PAFAH1B1: variants seen among roughly 807,000 people sequenced by gnomAD.
PAFAH1B1 encodes the protein platelet activating factor acetylhydrolase 1b regulatory subunit 1, also known as platelet-activating factor acetylhydrolase IB subunit beta.
Under a neutral mutation model 57.5 loss-of-function variants are expected in PAFAH1B1, and 2 were observed. That is an observed-to-expected ratio of 0.03 (90% CI 0.01 to 0.11). The LOEUF (loss-of-function observed/expected upper bound fraction) is 0.11. Among genes scored for constraint, PAFAH1B1 ranks in the 10% least tolerant of loss-of-function variants. The probability of loss-of-function intolerance (pLI) is 1.00; values close to 1 mark genes in which losing one functional copy is unlikely to be tolerated. For missense variants in PAFAH1B1, 257 were observed against 512.0 expected (o/e 0.50, Z 4.81); for synonymous variants, 152 against 169.6 (o/e 0.90, Z 0.81).
chr17:2,679,486 ATGGATGGATGGATGATTGGATGG>A lies in PAFAH1B1; in HGVS notation c.1003-677_1003-655del, dbSNP rs1364145480. 5.1e-3 allele frequency among the ~76,000 whole-genome samples: 751 copies of A among 145,884 alleles called. 8 individuals are homozygous for A. The highest frequency in any genetic ancestry group is 0.014 in the South Asian group (63 of 4,442). Reference sequence around the variant, plus strand: ...GATGGATGGATGGATGATTGGATGGATGGATGGATGGATGATTGGATGGATGGATGGATGGATGATTGGATGGA... The same window carrying A: ...GATGGATGGATGGATGATTGGATGGAATGGATGGATGGATGATTGGATGGA... On this transcript the variant is annotated intron_variant, in intron 9 of 10. Transcript: ENST00000397195.
Position 2,653,151 on chromosome 17 carries a change from T to G in PAFAH1B1, c.33-12221T>G, listed in dbSNP as rs570813849. Among the ~76,000 whole-genome samples the G allele has an allele frequency of 2.1e-3, 315 of 152,254 alleles. 1 individual carries two copies. Among genetic ancestry groups the G allele is most frequent in the African/African-American group, 7.3e-3 (304 of 41,550 alleles). On this transcript the variant is annotated intron_variant, in intron 2 of 10. Transcript: ENST00000397195. ...TGGATGAAGCTGGAAACCATCATTCTCAGCAAACTATTGCAGGGACAAAAA... is the reference window on the plus strand; with the variant it reads ...TGGATGAAGCTGGAAACCATCATTCGCAGCAAACTATTGCAGGGACAAAAA...
intron 1 of PAFAH1B1, among the ~76,000 whole-genome samples, chr17:2,608,678 G>T (rs2068232667): frequency 6.6e-6 from 1 of 152,176 alleles, no homozygotes. Flanking sequence ...TGTGCCTGTG[G>T]TCCCTAGAAG....
intron 1 of PAFAH1B1, among the ~76,000 whole-genome samples, chr17:2,632,277 T>C (rs113876755): frequency 1.9e-3 from 295 of 152,334 alleles, no homozygotes; most frequent in Non-Finnish European, 3.6e-3. Context: ...AATACTGTTA[T>C]CACTTCAAAA....
In PAFAH1B1 at chr17:2,685,425, T is replaced by G. The variant is rs1435812771; in HGVS notation, c.*3623T>G. 6.7e-6 allele frequency: 1 copy of G among 148,384 alleles called. No homozygotes were observed. Among genetic ancestry groups the G allele is most frequent in the Non-Finnish European group, 1.5e-5 (1 of 66,854 alleles). 9.2% of individuals were successfully genotyped at this position (148,384 alleles called of 1,614,324 possible). A position where few individuals can be genotyped will look rare whatever the true frequency, so the allele number is the denominator to read the frequency against. ...AATTGAGGAAAACAGTTCCCCAGAT[T>G]GTTAAGAGTTCACTGAAGATATTGA... is the stretch of plus-strand genomic sequence containing the variant. On this transcript the variant is annotated 3_prime_UTR_variant, in exon 11 of 11. Coordinates refer to ENST00000397195, the MANE Select transcript of PAFAH1B1 (RefSeq NM_000430.4).
chr17:2,664,214 C>G (rs1355894856), intron 2 of PAFAH1B1, among the ~76,000 whole-genome samples: 2 of 152,064 alleles, frequency 1.3e-5, no homozygotes, highest in Non-Finnish European at 2.9e-5. Flanking sequence ...GCCAGTAATC[C>G]CACCAGTTAT....
intron 1 of PAFAH1B1, among the ~76,000 whole-genome samples, chr17:2,622,725 A>G (rs1390575634): frequency 6.6e-6 from 1 of 151,818 alleles, no homozygotes; most frequent in African/African-American, 2.4e-5. Context: ...CACAGCTGGG[A>G]CTCACAGTAG....
At chr17:2,626,700 G>A (rs1202300621) in intron 1 of PAFAH1B1, among the ~76,000 whole-genome samples, 4 of 151,558 alleles carry the variant, frequency 2.6e-5, no homozygotes, top group Admixed American at 2.0e-4. Context: ...GATTACATGC[G>A]CGTGCCACCA....
Position 2,680,218 on chromosome 17 carries a change from A to G in PAFAH1B1, c.1057A>G (p.Ile353Val). 1 of 1,614,122 alleles carries G rather than the reference A, an allele frequency of 6.2e-7. No individual in the cohort carries two copies. Among genetic ancestry groups the G allele is most frequent in the Non-Finnish European group, 8.5e-7 (1 of 1,180,002 alleles). The change falls in exon 10 of 11, where the codon ATT (isoleucine) becomes GTT (valine). Residue 353 changes from isoleucine (I) to valine (V), a missense_variant. By Grantham distance (29) the Ile-to-Val change is conservative. Transcript: ENST00000397195. ...TCTGTTCCATTCTGGGGGGAAGTTT[A>G]TTTTGAGTTGTGCTGATGACAAGAC... ...GVLFHSGGKF[I>V]LSCADDKTLR...
At chr17:2,596,174 G>T (rs1433711896) in intron 1 of PAFAH1B1, among the ~76,000 whole-genome samples, 3 of 151,992 alleles carry the variant, frequency 2.0e-5, no homozygotes, top group Admixed American at 6.6e-5. Context: ...TTGTCCCTGT[G>T]TGTGTGTGTG....
chr17:2,599,170 T>G (rs1484479461), intron 1 of PAFAH1B1, among the ~76,000 whole-genome samples: 1 of 152,214 alleles, frequency 6.6e-6, no homozygotes, highest in African/African-American at 2.4e-5. Flanking sequence ...GTACTGATTT[T>G]CATTTGTTCT....
At chr17:2,680,412 A>G in intron 10 of PAFAH1B1, 92 bp downstream of exon 10, 4 of 1,136,878 alleles carry the variant, frequency 3.5e-6, no homozygotes, top group Non-Finnish European at 2.7e-6. Flanking sequence ...GCCAGGTAAG[A>G]AATGACTGTG....
At position 2,677,458 on chromosome 17, in the gene PAFAH1B1, A is replaced by G. The variant is rs568134112; in HGVS notation, c.1002+852A>G. ...GTAGTTTTTATAATTTGGCATCCAC[A>G]TTTGTTTAGAGATTTTTTAGGTGCT... On this transcript the variant is annotated intron_variant, in intron 9 of 10. Transcript: ENST00000397195. 2.6e-5 allele frequency among the ~76,000 whole-genome samples: 4 copies of G among 152,338 alleles called. No homozygotes were observed. In the East Asian group the frequency reaches 5.8e-4, roughly 22 times the overall value.
chr17:2,659,092 A>G (rs2068978156), intron 2 of PAFAH1B1, among the ~76,000 whole-genome samples: 1 of 152,172 alleles, frequency 6.6e-6, no homozygotes, highest in South Asian at 2.1e-4. Context: ...CTCTACTAAA[A>G]ATACAAAAAT....
chr17:2,644,552 A>T (rs1297840346), intron 2 of PAFAH1B1, among the ~76,000 whole-genome samples: 2 of 152,166 alleles, frequency 1.3e-5, no homozygotes. Context: ...TCAAAAAATA[A>T]ATAAATAAAT....
At chr17:2,666,117 T>G in intron 4 of PAFAH1B1, 27 bp downstream of exon 4, 1 of 1,426,848 alleles carries the variant, frequency 7.0e-7, no homozygotes, top group Admixed American at 2.0e-5. Context: ...TCTTTAAAAT[T>G]AGTTGTATTC....
intron 1 of PAFAH1B1, among the ~76,000 whole-genome samples, chr17:2,601,865 T>C (rs2068148049): frequency 6.6e-6 from 1 of 152,206 alleles, no homozygotes; most frequent in Non-Finnish European, 1.5e-5. Flanking sequence ...GTGCTGGGAT[T>C]ACAGGCATGA....
chr17:2,623,040 A>G (rs577014518), intron 1 of PAFAH1B1, among the ~76,000 whole-genome samples: 118 of 152,284 alleles, frequency 7.7e-4, no homozygotes, highest in African/African-American at 2.6e-3. Flanking sequence ...CCAAGTCCCT[A>G]GGCTGCACAC....
intron 8 of PAFAH1B1, chr17:2,676,296 T>C: frequency 2.0e-6 from 1 of 496,510 alleles, no homozygotes; most frequent in Non-Finnish European, 3.7e-6. Flanking sequence ...GAGATTCGCT[T>C]GAACCCGGGA....
At chr17:2,678,184 C>T (rs2069301986) in intron 9 of PAFAH1B1, among the ~76,000 whole-genome samples, 1 of 151,716 alleles carries the variant, frequency 6.6e-6, no homozygotes, top group Non-Finnish European at 1.5e-5. Context: ...GGTGGATCAC[C>T]TGAGGTTGGG....
Sources: allele counts gnomAD v4.1 joint callset (sites outside exome capture counted in the v4.1 genomes callset), GRCh38; gene constraint gnomAD v4.1.1; transcripts MANE v1.5; gene names NCBI Gene and HGNC (gene_info 2026-07-23, HGNC 2026-07-21).